The following HDHD2 variants were observed in gnomAD, a reference collection of about 807,000 sequenced individuals.
The protein encoded by HDHD2 is haloacid dehalogenase like hydrolase domain containing 2.
HDHD2 carries 26 observed loss-of-function variants against 24.8 expected under a neutral mutation model. The ratio of observed to expected loss-of-function variants is 1.05; its 90% CI spans 0.77 to 1.45. The LOEUF (loss-of-function observed/expected upper bound fraction) is 1.45. Ranked by LOEUF, HDHD2 falls within the 40% of genes most tolerant of loss-of-function variation. HDHD2 has a pLI of 0.00. For missense variants in HDHD2, 299 were observed against 313.4 expected, an observed-to-expected ratio of 0.95 and a Z score of 0.35; for synonymous variants, 128 against 114.9, an observed-to-expected ratio of 1.11 and a Z score of -0.73.
At position 47,136,456 on chromosome 18, in the gene HDHD2, G is replaced by T; in HGVS notation, c.-10-7C>A. 6.2e-7 allele frequency: 1 copy of T among 1,607,264 alleles called. No individual in the cohort carries two copies. The highest frequency in any genetic ancestry group is 8.5e-7 in the Non-Finnish European group (1 of 1,178,106). ...TGCTGCCATCCTTCATTCCCTAGGAGAGAGCAAATGAAATTAAAAATACAG... is the reference window on the plus strand; with the variant it reads ...TGCTGCCATCCTTCATTCCCTAGGATAGAGCAAATGAAATTAAAAATACAG... On this transcript the variant is annotated splice_region_variant and splice_polypyrimidine_tract_variant and intron_variant, in intron 1 of 6. Transcript: ENST00000300605.
At chr18:47,129,564 C>T (rs1019718063) in intron 4 of HDHD2, among the ~76,000 whole-genome samples, 1 of 152,120 alleles carries the variant, frequency 6.6e-6, no homozygotes, top group African/African-American at 2.4e-5. Context: ...ATCTGTTTTT[C>T]TTCATCTCCA....
chr18:47,108,922 C>T (rs2063494255), intron 6 of HDHD2, 137 bp from the exon 7 acceptor site: 3 of 597,338 alleles, frequency 5.0e-6, no homozygotes, highest in Admixed American at 3.2e-5. Context: ...TCCCAAATCA[C>T]CTTTTATTGA....
intron 4 of HDHD2, among the ~76,000 whole-genome samples, chr18:47,126,700 T>C (rs553557827): frequency 1.9e-4 from 29 of 152,174 alleles, no homozygotes; most frequent in African/African-American, 6.7e-4. Context: ...AGTTTCTTAA[T>C]ATAGGGAAAA....
chr18:47,134,574 C>T lies in HDHD2; in HGVS notation c.232G>A (p.Ala78Thr). 2.5e-6 allele frequency: 4 copies of T among 1,614,096 alleles called. No individual in the cohort carries two copies. The highest frequency in any genetic ancestry group is 2.2e-5 in the East Asian group (1 of 44,880). ...SEDEIFTSLT[A>T]ARSLLERKQV... ...TTCCGCTCTAGTAAACTTCTGGCTG[C>T]AGTCAGAGATGTGAATATTTCATCT... The change falls in exon 3 of 7, where the codon GCA (alanine) becomes ACA (threonine). Residue 78 changes from alanine to threonine, a missense_variant. Ala to Thr is a moderately conservative substitution (Grantham distance 58). Transcript: ENST00000300605.
At chr18:47,123,743 G>C (rs1297780789) in intron 4 of HDHD2, among the ~76,000 whole-genome samples, 4 of 151,966 alleles carry the variant, frequency 2.6e-5, no homozygotes, top group Non-Finnish European at 2.9e-5. Flanking sequence ...AAACTAAATA[G>C]AGATACATTT....
chr18:47,133,615 A>G (rs1472398840), intron 3 of HDHD2, among the ~76,000 whole-genome samples: 6 of 151,974 alleles, frequency 3.9e-5, no homozygotes, highest in Non-Finnish European at 8.8e-5. Flanking sequence ...AAGTGTTTCT[A>G]TTTCTCCACA....
chr18:47,146,946 A>G (rs78508118), intron 1 of HDHD2, among the ~76,000 whole-genome samples: 2 of 152,214 alleles, frequency 1.3e-5, no homozygotes, highest in Non-Finnish European at 2.9e-5. Context: ...TAACCTAGAC[A>G]ATGAGAATAT....
At chr18:47,122,539 G>A (rs1187143509) in intron 4 of HDHD2, among the ~76,000 whole-genome samples, 2 of 152,074 alleles carry the variant, frequency 1.3e-5, no homozygotes, top group African/African-American at 4.8e-5. Context: ...CTAAACTAAA[G>A]TAATGCCAAA....
At chr18:47,134,454 C>T (rs1380974772) in intron 3 of HDHD2, 42 bp downstream of exon 3, 4 of 1,333,134 alleles carry the variant, frequency 3.0e-6, no homozygotes, top group Non-Finnish European at 3.2e-6. Context: ...TTTGTAAGTA[C>T]ATATAAATAT....
At chr18:47,146,986 TA>T (rs996407655) in intron 1 of HDHD2, among the ~76,000 whole-genome samples, 64 of 152,316 alleles carry the variant, frequency 4.2e-4, no homozygotes, top group Middle Eastern at 3.4e-3. Flanking sequence ...ATAATCATTT[TA>T]AACATATATG....
chr18:47,149,573 C>G (rs1166795631), intron 1 of HDHD2, among the ~76,000 whole-genome samples: 1 of 150,908 alleles, frequency 6.6e-6, no homozygotes, highest in African/African-American at 2.4e-5. Flanking sequence ...CATGGTACTG[C>G]AGGCGGCCAA....
chr18:47,114,159 TG>T (rs1054947763), intron 5 of HDHD2, among the ~76,000 whole-genome samples: 3 of 152,218 alleles, frequency 2.0e-5, no homozygotes, highest in African/African-American at 7.2e-5. Context: ...ACTCAAAAGA[TG>T]GTTTCTCAAA....
intron 1 of HDHD2, among the ~76,000 whole-genome samples, chr18:47,144,133 T>C (rs928565535): frequency 4.6e-5 from 7 of 151,950 alleles, no homozygotes; most frequent in Admixed American, 6.6e-5. Context: ...AAAAAAAGAA[T>C]TGTTAGATCT....
In HDHD2 at chr18:47,108,677, C is replaced by T. The variant is rs2635058; in HGVS notation, c.*5G>A. ...TTTCAAGTTGCTTCAGATGCACACA[C>T]TGCTTCACAATAGGTGCTGCAGAAT... On this transcript the variant is annotated 3_prime_UTR_variant, in exon 7 of 7. Coordinates refer to ENST00000300605, the MANE Select transcript of HDHD2 (RefSeq NM_032124.5). The T allele has an allele frequency of 1, 1,511,738 of 1,512,612 alleles. 755,438 individuals are homozygous for T. The highest frequency in any genetic ancestry group is 1 in the Middle Eastern group (5,854 of 5,854). The allele number at this position is 1,512,612 out of a possible 1,614,324, so 93.7% of individuals were successfully genotyped here. A position where few individuals can be genotyped will look rare whatever the true frequency, so the allele number is the denominator to read the frequency against.
intron 4 of HDHD2, among the ~76,000 whole-genome samples, chr18:47,115,751 A>G (rs112982151): frequency 0.017 from 2,519 of 152,196 alleles, 70 homozygotes; most frequent in African/African-American, 0.055. Context: ...ATACTACACA[A>G]TTGTTGCTGC....
intron 4 of HDHD2, among the ~76,000 whole-genome samples, chr18:47,123,344 T>C (rs1443462486): frequency 3.9e-5 from 6 of 152,248 alleles, no homozygotes; most frequent in African/African-American, 9.6e-5. Context: ...TCCCAGCACT[T>C]TGGGAGGCCG....
chr18:47,119,066 T>C (rs115556556), intron 4 of HDHD2, among the ~76,000 whole-genome samples: 3,083 of 152,356 alleles, frequency 0.02, 89 homozygotes, highest in African/African-American at 0.07. Flanking sequence ...AAATACTTTA[T>C]TGCTGAAAAA....
intron 4 of HDHD2, among the ~76,000 whole-genome samples, chr18:47,117,756 C>T (rs2576057): frequency 0.56 from 85,059 of 151,792 alleles, 23,949 homozygotes; most frequent in Middle Eastern, 0.61. Context: ...GATGGGAGGC[C>T]CACTTGAGGC....
intron 4 of HDHD2, among the ~76,000 whole-genome samples, chr18:47,126,793 A>G (rs1167384701): frequency 6.7e-6 from 1 of 150,236 alleles, no homozygotes; most frequent in African/African-American, 2.5e-5. Flanking sequence ...TATACTTCTG[A>G]AAAAAAAAAT....
Sources: allele counts gnomAD v4.1 joint callset (sites outside exome capture counted in the v4.1 genomes callset), GRCh38; gene constraint gnomAD v4.1.1; transcripts MANE v1.5; gene names NCBI Gene and HGNC (gene_info 2026-07-23, HGNC 2026-07-21).